GATC: variants seen among roughly 807,000 people sequenced by gnomAD.
GATC encodes glutamyl-tRNA(Gln) amidotransferase subunit C, mitochondrial.
Under a neutral mutation model 14.4 loss-of-function variants are expected in GATC, and 11 were observed. The ratio of observed to expected loss-of-function variants is 0.77; its 90% CI spans 0.48 to 1.27. The LOEUF (loss-of-function observed/expected upper bound fraction) is 1.27. Ranked by LOEUF, GATC falls within the 50% of genes most tolerant of loss-of-function variation. The probability of loss-of-function intolerance (pLI) is 0.00; values close to 1 mark genes in which losing one functional copy is unlikely to be tolerated. For missense variants in GATC, 204 were observed against 183.0 expected, an observed-to-expected ratio of 1.11 and a Z score of -0.66; for synonymous variants, 76 against 79.3, an observed-to-expected ratio of 0.96 and a Z score of 0.22.
rs368220675 is a variant in GATC at position 120,447,600 on chromosome 12, C to G, written c.254+771C>G. 3.3e-5 allele frequency among the ~76,000 whole-genome samples: 5 copies of G among 152,138 alleles called. No homozygotes were observed. The East Asian group carries it at 7.7e-4, about 23-fold the overall frequency. ...AGCTTATCTTCTCAGAAAGGGCTCT[C>G]CTAACCACTCCAAATCCCTTCTCCC... On this transcript the variant is annotated intron_variant, in intron 2 of 3. Transcript: ENST00000551765.
At chr12:120,455,690 TTC>T (rs1321941322) in intron 2 of GATC, among the ~76,000 whole-genome samples, 1 of 151,892 alleles carries the variant, frequency 6.6e-6, no homozygotes, top group Admixed American at 6.6e-5. Context: ...GACAACTTAG[TTC>T]TCTTTTTTTT....
At chr12:120,457,228 G>T in intron 3 of GATC, 49 bp downstream of exon 3, 3 of 1,350,502 alleles carry the variant, frequency 2.2e-6, no homozygotes, top group Non-Finnish European at 3.2e-6. Context: ...AGTAACCTTA[G>T]GAATGAAGCA....
chr12:120,457,018 T>A, intron 2 of GATC, 58 bp from the exon 3 acceptor site: 1 of 1,099,068 alleles, frequency 9.1e-7, no homozygotes, highest in South Asian at 1.3e-5. Flanking sequence ...CCCCTCTCCA[T>A]CATCCCCTAA....
chr12:120,446,760 C>A lies in GATC; in HGVS notation c.185C>A (p.Ala62Asp), dbSNP rs1436412644. Residue 62 changes from alanine (A) to aspartate (D), a missense_variant, in exon 2 of 4, where the codon GCC becomes GAC. By Grantham distance (126) the Ala-to-Asp change is moderately radical. Transcript: ENST00000551765. ...EAVARLEKAI[A>D]FADRLRAVDT... ...GTGGCGCGACTGGAGAAAGCTATCG[C>A]CTTCGCCGACCGGCTACGCGCCGTG... 6.2e-7 allele frequency: 1 copy of A among 1,613,946 alleles called. No individual in the cohort carries two copies. Among genetic ancestry groups the A allele is most frequent in the Non-Finnish European group, 8.5e-7 (1 of 1,180,044 alleles).
intron 2 of GATC, among the ~76,000 whole-genome samples, chr12:120,447,149 T>C (rs1877898139): frequency 6.6e-6 from 1 of 151,186 alleles, no homozygotes; most frequent in South Asian, 2.1e-4. Flanking sequence ...CGATCTCGGC[T>C]CACTGCAACC....
intron 3 of GATC, among the ~76,000 whole-genome samples, chr12:120,458,022 A>G (rs1224246407): frequency 6.6e-6 from 1 of 151,894 alleles, no homozygotes. Flanking sequence ...CTACCCTATC[A>G]GTGTTGCCAG....
Position 120,463,688 on chromosome 12 carries a change from T to C in GATC, c.*3729T>C, listed in dbSNP as rs1401589922. 3.1e-6 allele frequency: 1 copy of C among 324,772 alleles called. No homozygotes were observed. The highest frequency in any genetic ancestry group is 5.6e-6 in the Non-Finnish European group (1 of 177,662). 20.1% of individuals were successfully genotyped at this position (324,772 alleles called of 1,614,324 possible). A position where few individuals can be genotyped will look rare whatever the true frequency, so the allele number is the denominator to read the frequency against. ...ACTAGTATTCTCTCCAGGTTACAAA[T>C]ACCATGACCAAACTGTGTAATGTGA... On this transcript the variant is annotated 3_prime_UTR_variant, in exon 4 of 4. Coordinates refer to ENST00000551765, the MANE Select transcript of GATC (RefSeq NM_176818.3).
In GATC at chr12:120,460,033, C is replaced by T; in HGVS notation, c.*74C>T. Reference sequence around the variant, plus strand: ...TGACAGTATTTTTTTACTGTGAATACTAATGTTCCTGCTTTTTTCAGTCCC... The same window carrying T: ...TGACAGTATTTTTTTACTGTGAATATTAATGTTCCTGCTTTTTTCAGTCCC... On this transcript the variant is annotated 3_prime_UTR_variant, in exon 4 of 4. Transcript: ENST00000551765. 1 of 1,118,346 alleles carries T rather than the reference C, an allele frequency of 8.9e-7. No individual in the cohort carries two copies. The highest frequency in any genetic ancestry group is 1.3e-5 in the South Asian group (1 of 76,340). 69.3% of individuals were successfully genotyped at this position (1,118,346 alleles called of 1,614,324 possible).
intron 2 of GATC, among the ~76,000 whole-genome samples, chr12:120,452,554 TA>T (rs1249490937): frequency 6.6e-6 from 1 of 152,180 alleles, no homozygotes; most frequent in Non-Finnish European, 1.5e-5. Flanking sequence ...TATGGCCAGC[TA>T]ATTTTTTTCT....
At chr12:120,449,025 T>C (rs1322266910) in intron 2 of GATC, among the ~76,000 whole-genome samples, 2 of 150,702 alleles carry the variant, frequency 1.3e-5, no homozygotes, top group Admixed American at 6.6e-5. Flanking sequence ...TGCAGTGGCG[T>C]GATCTTGGCT....
chr12:120,461,358 A>C lies in GATC; in HGVS notation c.*1399A>C, dbSNP rs1415425794. The stretch of plus-strand genomic sequence containing the variant: ...TCCTCTGGCATGCCTTGGCCTCCCA[A>C]AGGGCTAGGATCACAGGCAAAAGCC... On this transcript the variant is annotated 3_prime_UTR_variant, in exon 4 of 4. Transcript: ENST00000551765. 3 of 152,068 alleles carry C rather than the reference A, an allele frequency of 2.0e-5. No individual in the cohort carries two copies. Among genetic ancestry groups the C allele is most frequent in the African/African-American group, 7.2e-5 (3 of 41,392 alleles). 9.4% of individuals were successfully genotyped at this position (152,068 alleles called of 1,614,324 possible).
In GATC at chr12:120,459,921, C is replaced by G; in HGVS notation, c.373C>G (p.Pro125Ala). 1 of 1,612,420 alleles carries G rather than the reference C, an allele frequency of 6.2e-7. No homozygotes were observed. The highest frequency in any genetic ancestry group is 8.5e-7 in the Non-Finnish European group (1 of 1,178,674). The change falls in exon 4 of 4, where the codon CCA becomes GCA. Residue 125 changes from proline (P) to alanine (A), a missense_variant. Coordinates refer to ENST00000551765, the MANE Select transcript of GATC (RefSeq NM_176818.3). ...FVAPPGNISLPKLDEQEPFPH... is the reference protein window; with the variant it reads ...FVAPPGNISLAKLDEQEPFPH... ...TTTTCAAACAGGTAATATCTCTTTG[C>G]CAAAGCTGGATGAACAAGAGCCATT... is the stretch of plus-strand genomic sequence containing the variant.
chr12:120,448,676 C>T (rs1341683753), intron 2 of GATC, among the ~76,000 whole-genome samples: 1 of 77,872 alleles, frequency 1.3e-5, no homozygotes, highest in Admixed American at 1.7e-4. Context: ...GACGGAGTTT[C>T]ACTCTTCCAC....
rs750986851 is a variant in GATC, at chr12:120,446,482, TGTG to T, written c.5_7del (p.Trp2?). ...CTGCGGGGGCCAAGGAAGGAAGAAA[TGTG>T]GTCGCGGTTGGTGTGGCTGGGCCTT... On this transcript the variant is annotated start_lost and inframe_deletion, in exon 1 of 4. Transcript: ENST00000551765. 5 of 1,607,034 alleles carry T rather than the reference TGTG, an allele frequency of 3.1e-6. No individual in the cohort carries two copies. Among genetic ancestry groups the T allele is most frequent in the South Asian group, 1.1e-5 (1 of 90,652 alleles).
At chr12:120,457,675 C>T (rs796283309) in intron 3 of GATC, among the ~76,000 whole-genome samples, 12 of 144,084 alleles carry the variant, frequency 8.3e-5, no homozygotes, top group African/African-American at 2.6e-4. Flanking sequence ...GGTGCAATCT[C>T]GGCTCACCGC....
intron 1 of GATC, 23 bp downstream of exon 1, chr12:120,446,584 C>T (rs1477284623): frequency 6.3e-7 from 1 of 1,591,226 alleles, no homozygotes; most frequent in South Asian, 1.1e-5. Flanking sequence ...GCCATCTAGG[C>T]GGGTGGCGGA....
rs1299051437 is a variant in GATC at position 120,462,436 on chromosome 12, T to TATGATAAA, written c.*2478_*2485dup. The stretch of plus-strand genomic sequence containing the variant: ...TTTGACATGTTGATACTCAATTAAC[T>TATGATAAA]ATGATAAACAATATATCTGAATTAC... On this transcript the variant is annotated 3_prime_UTR_variant, in exon 4 of 4. Coordinates refer to ENST00000551765, the MANE Select transcript of GATC (RefSeq NM_176818.3). 2 of 306,252 alleles carry TATGATAAA rather than the reference T, an allele frequency of 6.5e-6. No individual in the cohort carries two copies. The highest frequency in any genetic ancestry group is 1.2e-5 in the Non-Finnish European group (2 of 164,232). The allele number at this position is 306,252 out of a possible 1,614,324, so 19.0% of individuals were successfully genotyped here.
At chr12:120,456,519 G>A (rs1251661493) in intron 2 of GATC, among the ~76,000 whole-genome samples, 1 of 151,050 alleles carries the variant, frequency 6.6e-6, no homozygotes, top group Non-Finnish European at 1.5e-5. Context: ...CACCCCGGCA[G>A]ACCACACCCC....
At chr12:120,456,053 T>A (rs1474143739) in intron 2 of GATC, among the ~76,000 whole-genome samples, 1 of 152,212 alleles carries the variant, frequency 6.6e-6, no homozygotes, top group African/African-American at 2.4e-5. Context: ...CTCTCTGACA[T>A]GACTCAAACG....
Sources: gnomAD v4.1 joint callset for allele counts (sites outside exome capture counted in the v4.1 genomes callset) on GRCh38, gnomAD v4.1.1 for gene constraint, MANE v1.5 for transcripts, NCBI Gene and HGNC (gene_info 2026-07-23, HGNC 2026-07-21) for gene names.